Variants in TTF1 observed in about 807,000 individuals in gnomAD.
TTF1 encodes transcription termination factor 1, also known as transcription termination factor, RNA polymerase I.
TTF1 carries 64 observed loss-of-function variants against 80.2 expected under a neutral mutation model. The ratio of observed to expected loss-of-function variants is 0.80; its 90% CI spans 0.65 to 0.98. TTF1 has a LOEUF of 0.98. TTF1 is among the 50% of genes least tolerant of loss of function. The pLI, the probability that TTF1 is intolerant of heterozygous loss-of-function variation, is 0.00. For synonymous variants in TTF1, 372 were observed against 382.7 expected (o/e 0.97, Z 0.33); for missense variants, 1,023 against 1,086.2 (o/e 0.94, Z 0.82).
chr9:132,391,592 AGTGT>A (rs1190826814), intron 6 of TTF1, among the ~76,000 whole-genome samples: 2 of 152,166 alleles, frequency 1.3e-5, no homozygotes. Flanking sequence ...GTGTGGCCGG[AGTGT>A]GTGAGCCCCT....
intron 1 of TTF1, among the ~76,000 whole-genome samples, chr9:132,405,052 A>AT (rs1331371528): frequency 6.7e-6 from 1 of 150,102 alleles, no homozygotes; most frequent in Non-Finnish European, 1.5e-5. Context: ...CGCCAGGCTA[A>AT]TTTTTTTGTA....
In TTF1 at chr9:132,402,585, G is replaced by A; in HGVS notation, c.237C>T (p.Ala79=). ...TTTTTCTCTTTTTGAGTGTGGAAGTGGCATTTGCAGTCTCATCACAGATTC... is the reference window on the plus strand; with the variant it reads ...TTTTTCTCTTTTTGAGTGTGGAAGTAGCATTTGCAGTCTCATCACAGATTC... ...KSRICDETAN[A]TSTLKKRKKR... is the part of the protein sequence containing the mutation. Residue 79 remains alanine (A), a synonymous_variant, in exon 2 of 11, where the codon GCC becomes GCT. Coordinates refer to ENST00000334270, the MANE Select transcript of TTF1 (RefSeq NM_007344.4). 6.2e-7 allele frequency: 1 copy of A among 1,614,028 alleles called. No individual in the cohort carries two copies.
At chr9:132,391,155 G>A (rs1849552315) in intron 6 of TTF1, among the ~76,000 whole-genome samples, 1 of 152,180 alleles carries the variant, frequency 6.6e-6, no homozygotes, top group Admixed American at 6.5e-5. Flanking sequence ...TTTAATGGGG[G>A]AAGAAAAGCC....
chr9:132,378,580 GGT>G (rs1269568932), intron 10 of TTF1, among the ~76,000 whole-genome samples: 13 of 72,806 alleles, frequency 1.8e-4, no homozygotes, highest in African/African-American at 1.2e-3. Context: ...GAGTGCATGT[GGT>G]GTGTGAATGC....
In TTF1 at chr9:132,402,670, C is replaced by T. The variant is rs775639228; in HGVS notation, c.152G>A (p.Arg51Lys). Reference sequence around the variant, plus strand: ...GAAATCTTTTTTCCTCTTTTTCCTCCTAGTTATTTGAGACTGTTCATTCAC... The same window carrying T: ...GAAATCTTTTTTCCTCTTTTTCCTCTTAGTTATTTGAGACTGTTCATTCAC... ...SLVNEQSQIT[R>K]RKKRKKDFQH... is the part of the protein sequence containing the mutation. Residue 51 changes from arginine (R) to lysine (K), a missense_variant, in exon 2 of 11, where the codon AGG becomes AAG. By Grantham distance (26) the Arg-to-Lys change is conservative. Coordinates refer to ENST00000334270, the MANE Select transcript of TTF1 (RefSeq NM_007344.4). 6.2e-7 allele frequency: 1 copy of T among 1,613,444 alleles called. No homozygotes were observed. The highest frequency in any genetic ancestry group is 1.1e-5 in the South Asian group (1 of 90,912).
At chr9:132,404,063 A>G (rs1849816801) in intron 1 of TTF1, among the ~76,000 whole-genome samples, 1 of 152,214 alleles carries the variant, frequency 6.6e-6, no homozygotes, top group Non-Finnish European at 1.5e-5. Context: ...TTTGCTCTGT[A>G]TTGCTTCTGG....
Position 132,390,671 on chromosome 9 carries a change from G to C in TTF1, c.2148C>G (p.Leu716=), listed in dbSNP as rs1172422768. ...CTTCTACCCAAGATATGCCCTTGTA[G>C]AGTTTTTCCCGAACAATTGATAGGC... The part of the protein sequence containing the change: ...ESCLSIVREK[L]YKGISWVEVE... The change falls in exon 7 of 11, where the codon CTC becomes CTG. Residue 716 remains leucine (L), a synonymous_variant. Coordinates refer to ENST00000334270, the MANE Select transcript of TTF1 (RefSeq NM_007344.4). 12 of 1,614,228 alleles carry C rather than the reference G, an allele frequency of 7.4e-6. No individual in the cohort carries two copies. The highest frequency in any genetic ancestry group is 9.3e-6 in the Non-Finnish European group (11 of 1,180,052).
chr9:132,399,234 T>C (rs896817657), intron 3 of TTF1, among the ~76,000 whole-genome samples: 6 of 150,850 alleles, frequency 4.0e-5, no homozygotes, highest in Non-Finnish European at 5.9e-5. Flanking sequence ...AAAAGTCTTT[T>C]ATGAAATACA....
At chr9:132,391,517 A>G (rs754044683) in intron 6 of TTF1, among the ~76,000 whole-genome samples, 1 of 152,254 alleles carries the variant, frequency 6.6e-6, no homozygotes, top group Non-Finnish European at 1.5e-5. Context: ...AATTAAAAAA[A>G]AAAACAATTT....
intron 6 of TTF1, among the ~76,000 whole-genome samples, chr9:132,391,063 TG>T (rs1849550983): frequency 1.3e-5 from 2 of 152,340 alleles, no homozygotes; most frequent in South Asian, 4.1e-4. Flanking sequence ...CTTAAAGCAA[TG>T]TTTTATTTAT....
intron 10 of TTF1, among the ~76,000 whole-genome samples, chr9:132,378,622 C>A (rs1174316619): frequency 1.2e-4 from 14 of 121,152 alleles, no homozygotes; most frequent in African/African-American, 4.9e-4. Flanking sequence ...GGTGTGAGTG[C>A]ATGTGGTTGG....
At chr9:132,404,730 A>G (rs1849831659) in intron 1 of TTF1, among the ~76,000 whole-genome samples, 1 of 151,876 alleles carries the variant, frequency 6.6e-6, no homozygotes, top group Admixed American at 6.6e-5. Flanking sequence ...CCACTTATTA[A>G]CCCACATCCT....
Position 132,384,612 on chromosome 9 carries a change from G to A in TTF1, c.2378+1944C>T, listed in dbSNP as rs1849426774. On this transcript the variant is annotated intron_variant, in intron 9 of 10. Coordinates refer to ENST00000334270, the MANE Select transcript of TTF1 (RefSeq NM_007344.4). The surrounding 1 kb of genome is among the most constrained non-coding windows in gnomAD (Gnocchi z 4.1). ...CTGTAGGGCTACGCGTGGCTGGTGA[G>A]TGGTAAGGGGACACTTTTCACTGTG... 6.6e-6 allele frequency among the ~76,000 whole-genome samples: 1 copy of A among 152,198 alleles called. No individual in the cohort carries two copies. Among genetic ancestry groups the A allele is most frequent in the Admixed American group, 6.5e-5 (1 of 15,274 alleles).
At chr9:132,376,662 CTTTTT>C (rs530150374) in intron 10 of TTF1, among the ~76,000 whole-genome samples, 8 of 136,602 alleles carry the variant, frequency 5.9e-5, no homozygotes, top group African/African-American at 2.2e-4. Context: ...AATCTGTATC[CTTTTT>C]TTTTTTTTTT....
chr9:132,397,609 T>C (rs1399969959), intron 4 of TTF1, among the ~76,000 whole-genome samples: 2 of 152,102 alleles, frequency 1.3e-5, no homozygotes. Flanking sequence ...GGAAGAAAGG[T>C]AAAAGTTGAT....
rs1849421405 is a variant in TTF1, at chr9:132,384,331, G to T, written c.2378+2225C>A. The stretch of plus-strand genomic sequence containing the variant: ...AAAATGAGCTAAGAACCCATCTCAA[G>T]AAGTTGAAGAACAGCAGCAAAATAA... On this transcript the variant is annotated intron_variant, in intron 9 of 10. Transcript: ENST00000334270. The surrounding 1 kb of genome is among the most constrained non-coding windows in gnomAD (Gnocchi z 4.1). Among the ~76,000 whole-genome samples, 1 of 152,164 alleles carries T rather than the reference G, an allele frequency of 6.6e-6. No individual in the cohort carries two copies. The highest frequency in any genetic ancestry group is 2.1e-4 in the South Asian group (1 of 4,836).
Position 132,398,060 on chromosome 9 carries a change from C to T in TTF1, c.1777+81G>A, listed in dbSNP as rs540954467. ...CGCCTGCAGGCAATGGGCCAGGTAC[C>T]GTGCTAACACTTACCATGGGTTATC... On this transcript the variant is annotated intron_variant, in intron 4 of 10. Transcript: ENST00000334270. 422 of 1,205,268 alleles carry T rather than the reference C, an allele frequency of 3.5e-4. 1 individual carries two copies. The African/African-American group carries it at 5.8e-3, about 16-fold the overall frequency. The allele number at this position is 1,205,268 out of a possible 1,614,324, so 74.7% of individuals were successfully genotyped here.
In TTF1 at chr9:132,399,978, T is replaced by C. The variant is rs114078010; in HGVS notation, c.1591+57A>G. 914 of 1,556,434 alleles carry C rather than the reference T, an allele frequency of 5.9e-4. 2 individuals carry two copies. The African/African-American group carries it at 0.011, about 19-fold the overall frequency. The stretch of plus-strand genomic sequence containing the variant: ...ATCTGAATCATCCATAAAAGAAAGT[T>C]AGGTGCTAGCTCTGCATACAGGAAG... On this transcript the variant is annotated intron_variant, in intron 3 of 10. Coordinates refer to ENST00000334270, the MANE Select transcript of TTF1 (RefSeq NM_007344.4).
chr9:132,395,070 T>C (rs757936574), intron 5 of TTF1, among the ~76,000 whole-genome samples: 1 of 150,458 alleles, frequency 6.6e-6, no homozygotes, highest in Non-Finnish European at 1.5e-5. Flanking sequence ...TGGGTGCCTG[T>C]AGTCCCAGCT....
Sources: allele counts gnomAD v4.1 joint callset (sites outside exome capture counted in the v4.1 genomes callset), GRCh38; gene constraint gnomAD v4.1.1; non-coding constraint Gnocchi (gnomAD v3.1); transcripts MANE v1.5; gene names NCBI Gene and HGNC (gene_info 2026-07-23, HGNC 2026-07-21).